The following SPTBN4 variants were observed in gnomAD, a reference collection of about 807,000 sequenced individuals.
The protein encoded by SPTBN4 is spectrin beta chain, non-erythrocytic 4.
Under a neutral mutation model 277.8 loss-of-function variants are expected in SPTBN4, and 96 were observed. The ratio of observed to expected loss-of-function variants is 0.35; its 90% CI spans 0.29 to 0.41. SPTBN4 has a LOEUF of 0.41. Ranked by LOEUF, SPTBN4 falls within the 10% of genes least tolerant of loss-of-function variation. SPTBN4 has a pLI of 1.00. For synonymous variants in SPTBN4, 1,481 were observed against 1,580.3 expected (o/e 0.94, Z 1.49); for missense variants, 3,006 against 3,595.7 (o/e 0.84, Z 4.19).
intron 24 of SPTBN4, among the ~76,000 whole-genome samples, chr19:40,555,485 G>A (rs745667446): frequency 1.2e-4 from 10 of 82,956 alleles, no homozygotes; most frequent in East Asian, 2.7e-4. Context: ...GCAAGACTCC[G>A]TCTCAAAAAA....
At chr19:40,553,472 A>C (rs1286597403) in intron 22 of SPTBN4, among the ~76,000 whole-genome samples, 2 of 152,164 alleles carry the variant, frequency 1.3e-5, no homozygotes, top group Non-Finnish European at 1.5e-5. Flanking sequence ...AAAAAAGCAA[A>C]ATAAGGAGAG....
chr19:40,569,639 C>G lies in SPTBN4; in HGVS notation c.6957-18C>G. The G allele has an allele frequency of 1.2e-6, 2 of 1,611,996 alleles. No homozygotes were observed. Among genetic ancestry groups the G allele is most frequent in the Non-Finnish European group, 1.7e-6 (2 of 1,179,256 alleles). On this transcript the variant is annotated intron_variant, in intron 31 of 35. Transcript: ENST00000598249. The stretch of plus-strand genomic sequence containing the variant: ...GGAACCCTGGTTTCACTGGGTCTTT[C>G]TGTCCCCCATCCCCCAGGAAGGCCA...
intron 27 of SPTBN4, among the ~76,000 whole-genome samples, chr19:40,562,690 C>T (rs1041848027): frequency 4.1e-5 from 6 of 147,982 alleles, no homozygotes; most frequent in African/African-American, 1.3e-4. Context: ...CAAACTTAGC[C>T]GGGTGTGGTG....
chr19:40,523,793 AGATTT>A (rs1426564450), intron 17 of SPTBN4, among the ~76,000 whole-genome samples, 154 bp downstream of exon 17: 2 of 151,942 alleles, frequency 1.3e-5, no homozygotes, highest in East Asian at 1.9e-4. Flanking sequence ...ATGTTGTCTT[AGATTT>A]GATTTAAGTG....
chr19:40,530,807 C>T lies in SPTBN4; in HGVS notation c.3948+1676C>T, dbSNP rs1435967400. ...GGCGCGGGCGGGACTGAGGGGCCGG[C>T]CCCCAAGGGAGGGGAGCGAAGCGGG... On this transcript the variant is annotated intron_variant, in intron 18 of 35. Coordinates refer to ENST00000598249, the MANE Select transcript of SPTBN4 (RefSeq NM_020971.3). 2.5e-4 allele frequency: 39 copies of T among 154,120 alleles called. No individual in the cohort carries two copies. In the East Asian group the frequency reaches 7.2e-3, roughly 29 times the overall value. The allele number at this position is 154,120 out of a possible 1,614,324, so 9.5% of individuals were successfully genotyped here. A position where few individuals can be genotyped will look rare whatever the true frequency, so the allele number is the denominator to read the frequency against.
At chr19:40,567,629 G>A (rs2081107812) in intron 30 of SPTBN4, 34 bp from the exon 31 acceptor site, 1 of 514,316 alleles carries the variant, frequency 1.9e-6, no homozygotes, top group East Asian at 7.3e-5. Flanking sequence ...CCGGCCCCAC[G>A]CCTCCAACCT....
rs2081110036 is a variant in SPTBN4 at position 40,567,789 on chromosome 19, A to G, written c.6463A>G (p.Arg2155Gly). Reference protein sequence around the residue: ...APLLRPGGYERGLEPLARRAS... With the variant: ...APLLRPGGYEGGLEPLARRAS... ...CCTGCTGCGGCCAGGGGGCTATGAA[A>G]GGGGCTTGGAGCCCCTGGCCCGCCG... The change falls in exon 31 of 36, where the codon AGG (arginine) becomes GGG (glycine). Residue 2155 changes from arginine to glycine, a missense_variant. Transcript: ENST00000598249. The G allele has an allele frequency of 6.0e-6, 9 of 1,511,760 alleles. No individual in the cohort carries two copies. The highest frequency in any genetic ancestry group is 8.0e-6 in the Non-Finnish European group (9 of 1,128,836). 93.6% of individuals were successfully genotyped at this position (1,511,760 alleles called of 1,614,324 possible).
chr19:40,509,306 C>T (rs1170347261), intron 13 of SPTBN4, among the ~76,000 whole-genome samples: 1 of 152,012 alleles, frequency 6.6e-6, no homozygotes, highest in South Asian at 2.1e-4. Context: ...ATTGCAATGG[C>T]GCGATCTCGG....
Position 40,472,690 on chromosome 19 carries a change from C to T in SPTBN4, c.69C>T (p.Ala23=), listed in dbSNP as rs1392898952. ...GLPAPNNNPA[A]RWESPDRGWE... is the part of the protein sequence containing the mutation. ...CTGCTCCTAACAACAACCCTGCTGCCCGCTGGGAGAGTCCGGATCGGGGCT... is the reference window on the plus strand; with the variant it reads ...CTGCTCCTAACAACAACCCTGCTGCTCGCTGGGAGAGTCCGGATCGGGGCT... The change falls in exon 2 of 36, where the codon GCC becomes GCT. Residue 23 remains alanine (A), a synonymous_variant. Transcript: ENST00000598249. 4 of 1,613,648 alleles carry T rather than the reference C, an allele frequency of 2.5e-6. No homozygotes were observed. The highest frequency in any genetic ancestry group is 1.7e-5 in the Admixed American group (1 of 59,946).
chr19:40,497,470 G>A lies in SPTBN4; in HGVS notation c.669-19G>A, dbSNP rs1599732014. The A allele has an allele frequency of 6.3e-7, 1 of 1,596,690 alleles. No homozygotes were observed. Among genetic ancestry groups the A allele is most frequent in the Non-Finnish European group, 8.6e-7 (1 of 1,164,290 alleles). On this transcript the variant is annotated intron_variant, in intron 6 of 35. Coordinates refer to ENST00000598249, the MANE Select transcript of SPTBN4 (RefSeq NM_020971.3). ...TCTGGAGCCTGCCTGCTGCCTGCCT[G>A]CTCTGTGCCCCTGCCCAGGCCTGAT...
At chr19:40,546,331 T>C (rs2080860141) in intron 20 of SPTBN4, among the ~76,000 whole-genome samples, 1 of 152,188 alleles carries the variant, frequency 6.6e-6, no homozygotes, top group Admixed American at 6.6e-5. Context: ...TCTTTTCATA[T>C]GCTTGTTTTG....
intron 1 of SPTBN4, among the ~76,000 whole-genome samples, chr19:40,471,493 C>T (rs2079883564): frequency 6.6e-6 from 1 of 152,192 alleles, no homozygotes; most frequent in Non-Finnish European, 1.5e-5. Flanking sequence ...ATAACAGTGA[C>T]AATTTGCTGA....
chr19:40,475,951 T>C (rs557475735), intron 2 of SPTBN4, among the ~76,000 whole-genome samples: 2 of 149,362 alleles, frequency 1.3e-5, no homozygotes, highest in South Asian at 4.3e-4. Context: ...CAGGCTGAGG[T>C]GGGAGAATCT....
Position 40,472,835 on chromosome 19 carries a change from G to A in SPTBN4, c.169+45G>A, listed in dbSNP as rs747138228. The A allele has an allele frequency of 6.1e-6, 9 of 1,471,400 alleles. No individual in the cohort carries two copies. The Admixed American group carries it at 1.1e-4, about 18-fold the overall frequency. 91.1% of individuals were successfully genotyped at this position (1,471,400 alleles called of 1,614,324 possible). A position where few individuals can be genotyped will look rare whatever the true frequency, so the allele number is the denominator to read the frequency against. On this transcript the variant is annotated intron_variant, in intron 2 of 35. Transcript: ENST00000598249. ...GGTGGGATGAGGAGGAGGGGGAAGG[G>A]GGAAGGGTGCCCGAGAACCTTGGTG...
chr19:40,554,442 G>T lies in SPTBN4; in HGVS notation c.4953+17G>T. On this transcript the variant is annotated intron_variant, in intron 23 of 35. Coordinates refer to ENST00000598249, the MANE Select transcript of SPTBN4 (RefSeq NM_020971.3). The surrounding 1 kb of genome is among the most constrained non-coding windows in gnomAD (Gnocchi z 5.7). ...AAGGGCAAGGTGCGCCCGAGCTGGG[G>T]GTGCGGAGGGCCTGGGGGCGCTGGA... The T allele has an allele frequency of 6.5e-7, 1 of 1,537,764 alleles. No homozygotes were observed. The highest frequency in any genetic ancestry group is 8.8e-7 in the Non-Finnish European group (1 of 1,138,882).
chr19:40,557,344 A>G lies in SPTBN4; in HGVS notation c.5611A>G (p.Ser1871Gly). The change falls in exon 26 of 36, where the codon AGT becomes GGT. Residue 1871 changes from serine to glycine, a missense_variant. Around this residue, in one of 5 missense-constraint regions of SPTBN4, gnomAD observed 425 missense variants for 594.7 expected, o/e 0.71. Transcript: ENST00000598249. ...TTPPEPRPSASSMQRTLRAFE... is the reference protein window; with the variant it reads ...TTPPEPRPSAGSMQRTLRAFE... ...CCCGCCTGAGCCGAGACCCAGTGCC[A>G]GTTCCATGCAGCGGACCCTGAGAGC... The G allele has an allele frequency of 6.2e-7, 1 of 1,609,798 alleles. No homozygotes were observed. Among genetic ancestry groups the G allele is most frequent in the Non-Finnish European group, 8.5e-7 (1 of 1,177,856 alleles).
intron 33 of SPTBN4, 62 bp downstream of exon 33, chr19:40,570,790 G>T (rs1268358001): frequency 1.3e-6 from 2 of 1,560,014 alleles, no homozygotes; most frequent in Non-Finnish European, 8.7e-7. Flanking sequence ...ATTGCGTGGA[G>T]CGGTGGGACT....
chr19:40,539,058 A>G (rs1455687111), intron 20 of SPTBN4, among the ~76,000 whole-genome samples: 1 of 152,202 alleles, frequency 6.6e-6, no homozygotes, highest in African/African-American at 2.4e-5. Context: ...TATGGGTCTC[A>G]AGATCCCGGG....
chr19:40,534,609 G>A (rs1297235686), intron 20 of SPTBN4: 2 of 466,638 alleles, frequency 4.3e-6, no homozygotes, highest in African/African-American at 3.9e-5. Context: ...CATGCTAAAG[G>A]TTTCACAGGA....
Sources: gnomAD v4.1 joint callset for allele counts (sites outside exome capture counted in the v4.1 genomes callset) on GRCh38, gnomAD v4.1.1 for gene constraint, gnomAD v4.1.1 regional missense constraint, Gnocchi (gnomAD v3.1) non-coding constraint, MANE v1.5 for transcripts, NCBI Gene and HGNC (gene_info 2026-07-23, HGNC 2026-07-21) for gene names.